RHEBL1: variants seen among roughly 807,000 people sequenced by gnomAD.
The protein encoded by RHEBL1 is GTPase RhebL1.
Under a neutral mutation model 27.4 loss-of-function variants are expected in RHEBL1, and 22 were observed. The ratio of observed to expected loss-of-function variants is 0.80; its 90% CI spans 0.57 to 1.15. RHEBL1 has a LOEUF of 1.15. RHEBL1 is among the 50% of genes most tolerant of loss of function. The pLI, the probability that RHEBL1 is intolerant of heterozygous loss-of-function variation, is 0.00. For missense variants in RHEBL1, 186 were observed against 226.5 expected (o/e 0.82, Z 1.15); for synonymous variants, 85 against 80.8 (o/e 1.05, Z -0.28).
intron 2 of RHEBL1, among the ~76,000 whole-genome samples, chr12:49,067,345 T>C (rs1160447913): frequency 6.6e-6 from 1 of 151,784 alleles, no homozygotes; most frequent in African/African-American, 2.4e-5. Flanking sequence ...ACAGGCGCAC[T>C]CTTAGCACCC....
At chr12:49,066,143 T>C (rs1269782618) in intron 6 of RHEBL1, 88 bp downstream of exon 6, 1 of 1,003,032 alleles carries the variant, frequency 1.0e-6, no homozygotes, top group African/African-American at 1.6e-5. Context: ...ATGACTTGTT[T>C]GAGTCAGTGG....
intron 3 of RHEBL1, 80 bp from the exon 4 acceptor site, chr12:49,066,781 C>T: frequency 7.3e-7 from 1 of 1,361,728 alleles, no homozygotes; most frequent in South Asian, 1.2e-5. Flanking sequence ...ATCCAGGTGA[C>T]CCTCCCTGGG....
Position 49,065,316 on chromosome 12 carries a change from C to T in RHEBL1, c.462+34G>A, listed in dbSNP as rs755746815. 13 of 1,597,158 alleles carry T rather than the reference C, an allele frequency of 8.1e-6. No individual in the cohort carries two copies. In the South Asian group the frequency reaches 1.3e-4, roughly 16 times the overall value. ...CAGTACAATAAGGAAAACACAGCTA[C>T]CATCACCACCCTTCTAGTCTTCAGG... On this transcript the variant is annotated intron_variant, in intron 7 of 7. Transcript: ENST00000301068.
In RHEBL1 at chr12:49,065,154, A is replaced by G; in HGVS notation, c.501T>C (p.Ile167=). The change falls in exon 8 of 8, where the codon ATT becomes ATC. Residue 167 remains isoleucine, a synonymous_variant. Coordinates refer to ENST00000301068, the MANE Select transcript of RHEBL1 (RefSeq NM_144593.3). ...GCCCATAGGAATTCTCCACACGGGC[A>G]ATCTCCTGGATGACTTTGGTGAAGA... ...QGIFTKVIQE[I]ARVENSYGQE... 6.2e-7 allele frequency: 1 copy of G among 1,614,172 alleles called. No homozygotes were observed. The highest frequency in any genetic ancestry group is 8.5e-7 in the Non-Finnish European group (1 of 1,179,980).
intron 6 of RHEBL1, 46 bp downstream of exon 6, chr12:49,066,184 CA>C: frequency 6.7e-7 from 1 of 1,491,012 alleles, no homozygotes; most frequent in Non-Finnish European, 9.4e-7. Flanking sequence ...GACTGATTCC[CA>C]GTCCATTTCA....
rs1340321636 is a variant in RHEBL1 at position 49,065,139 on chromosome 12, A to G, written c.516T>C (p.Asn172=). 1.2e-6 allele frequency: 2 copies of G among 1,614,046 alleles called. No individual in the cohort carries two copies. Among genetic ancestry groups the G allele is most frequent in the East Asian group, 2.2e-5 (1 of 44,894 alleles). ...KVIQEIARVE[N]SYGQERRCHL... ...GGCAGCGACGCTCTTGCCCATAGGA[A>G]TTCTCCACACGGGCAATCTCCTGGA... is the stretch of plus-strand genomic sequence containing the variant. Residue 172 remains asparagine, a synonymous_variant, in exon 8 of 8, where the codon AAT becomes AAC. Coordinates refer to ENST00000301068, the MANE Select transcript of RHEBL1 (RefSeq NM_144593.3).
chr12:49,066,093 A>G (rs563464646), intron 6 of RHEBL1, 138 bp downstream of exon 6: 2 of 672,092 alleles, frequency 3.0e-6, no homozygotes, highest in East Asian at 2.7e-5. Context: ...TAGAAGTATT[A>G]TCTTCCTTAA....
chr12:49,066,825 T>A (rs1939005141), intron 3 of RHEBL1, 124 bp from the exon 4 acceptor site: 1 of 1,114,230 alleles, frequency 9.0e-7, no homozygotes, highest in Non-Finnish European at 1.4e-6. Flanking sequence ...AACATGTATT[T>A]ATGGAACAGC....
intron 2 of RHEBL1, among the ~76,000 whole-genome samples, chr12:49,068,797 G>A (rs1273669717): frequency 1.3e-5 from 2 of 152,168 alleles, no homozygotes; most frequent in Non-Finnish European, 2.9e-5. Flanking sequence ...AGTTATCCAG[G>A]TAACTGGAAA....
rs145056685 is a variant in RHEBL1 at position 49,067,341 on chromosome 12, G to A, written c.125-306C>T. The stretch of plus-strand genomic sequence containing the variant: ...TGTAGAGCAGTGGCTATTCACAGGC[G>A]CACTCTTAGCACCCTATAGCCTGGA... On this transcript the variant is annotated intron_variant, in intron 2 of 7. Coordinates refer to ENST00000301068, the MANE Select transcript of RHEBL1 (RefSeq NM_144593.3). Among the ~76,000 whole-genome samples, 32 of 151,252 alleles carry A rather than the reference G, an allele frequency of 2.1e-4. No homozygotes were observed. In the East Asian group the frequency reaches 3.9e-3, roughly 18 times the overall value.
At chr12:49,068,122 C>CTT (rs56250975) in intron 2 of RHEBL1, among the ~76,000 whole-genome samples, 70 of 144,948 alleles carry the variant, frequency 4.8e-4, no homozygotes, top group South Asian at 1.3e-3. Flanking sequence ...TCTTTTTATT[C>CTT]TTTTTTTTTT....
chr12:49,066,865 TA>T, intron 3 of RHEBL1, 102 bp downstream of exon 3: 2 of 1,127,752 alleles, frequency 1.8e-6, no homozygotes, highest in Non-Finnish European at 2.7e-6. Context: ...TGTTAGCAGG[TA>T]AAATGCTTTT....
At chr12:49,068,935 C>T in intron 2 of RHEBL1, 100 bp downstream of exon 2, 1 of 1,233,690 alleles carries the variant, frequency 8.1e-7, no homozygotes, top group Non-Finnish European at 1.1e-6. Flanking sequence ...CTAAATAAAT[C>T]AGCCCCTTGG....
chr12:49,065,272 C>T, intron 7 of RHEBL1, 78 bp downstream of exon 7: 1 of 1,558,228 alleles, frequency 6.4e-7, no homozygotes, highest in Non-Finnish European at 8.9e-7. Flanking sequence ...CCCATTCCCG[C>T]AACATTCCCA....
chr12:49,069,626 C>T (rs1939055387), intron 1 of RHEBL1, 108 bp downstream of exon 1: 6 of 982,248 alleles, frequency 6.1e-6, no homozygotes, highest in Non-Finnish European at 9.9e-6. Context: ...CTCTACAACC[C>T]CATCCTTACG....
chr12:49,068,378 G>A (rs1939032814), intron 2 of RHEBL1, among the ~76,000 whole-genome samples: 1 of 148,850 alleles, frequency 6.7e-6, no homozygotes, highest in Non-Finnish European at 1.5e-5. Flanking sequence ...TGATCCACCT[G>A]CCTTGGCCTC....
At chr12:49,069,150 C>A (rs756375318) in intron 1 of RHEBL1, 44 bp from the exon 2 acceptor site, 1 of 1,613,980 alleles carries the variant, frequency 6.2e-7, no homozygotes, top group Non-Finnish European at 8.5e-7. Flanking sequence ...CATCCATCCA[C>A]ATTCACATCC....
In RHEBL1 at chr12:49,066,490, G is replaced by A; in HGVS notation, c.318C>T (p.Gly106=). 6.2e-7 allele frequency: 1 copy of A among 1,614,000 alleles called. No homozygotes were observed. Among genetic ancestry groups the A allele is most frequent in the Non-Finnish European group, 8.5e-7 (1 of 1,179,998 alleles). The stretch of plus-strand genomic sequence containing the variant: ...GGGCCACTTACCGGGTTTTCCCATG[G>A]CCTTCATGTAGCTTTTGGTACAGAC... ...IESLYQKLHE[G]HGKTRVPVVL... The change falls in exon 5 of 8, where the codon GGC becomes GGT. Residue 106 remains glycine, a synonymous_variant. Transcript: ENST00000301068.
intron 2 of RHEBL1, among the ~76,000 whole-genome samples, chr12:49,067,744 C>T (rs569256260): frequency 5.3e-5 from 8 of 152,238 alleles, no homozygotes; most frequent in African/African-American, 1.9e-4. Flanking sequence ...TGCGGCACTG[C>T]ACTCCAGCCT....
Sources: gnomAD v4.1 joint callset for allele counts (sites outside exome capture counted in the v4.1 genomes callset) on GRCh38, gnomAD v4.1.1 for gene constraint, MANE v1.5 for transcripts, NCBI Gene and HGNC (gene_info 2026-07-23, HGNC 2026-07-21) for gene names.